ARHGEF33: variants seen among roughly 807,000 people sequenced by gnomAD.
ARHGEF33 encodes Rho guanine nucleotide exchange factor 33.
In ARHGEF33, 72 loss-of-function variants were observed where a neutral mutation model predicts 101.9. The ratio of observed to expected loss-of-function variants is 0.71; its 90% CI spans 0.58 to 0.86. ARHGEF33 has a LOEUF of 0.86. Among genes scored for constraint, ARHGEF33 ranks in the 40% least tolerant of loss-of-function variants. The pLI is 0.00. For missense variants in ARHGEF33, 1,169 were observed against 1,111.3 expected, an observed-to-expected ratio of 1.05 and a Z score of -0.74; for synonymous variants, 499 against 442.5, an observed-to-expected ratio of 1.13 and a Z score of -1.60.
chr2:38,917,529 C>T (rs992192709), intron 2 of ARHGEF33, among the ~76,000 whole-genome samples: 2 of 152,118 alleles, frequency 1.3e-5, no homozygotes, highest in Non-Finnish European at 2.9e-5. Context: ...ACATTTCTAT[C>T]CAAAAAAGTT....
At chr2:38,961,997 C>T (rs184971629) in intron 16 of ARHGEF33, among the ~76,000 whole-genome samples, 1 of 152,106 alleles carries the variant, frequency 6.6e-6, no homozygotes, top group African/African-American at 2.4e-5. Flanking sequence ...CATGAAGAGC[C>T]TTGGAGCTTG....
At chr2:38,918,872 C>T (rs1383309649) in intron 2 of ARHGEF33, among the ~76,000 whole-genome samples, 2 of 133,930 alleles carry the variant, frequency 1.5e-5, no homozygotes, top group Non-Finnish European at 1.5e-5. Context: ...GAGACCCCAT[C>T]TCTACAAAAA....
intron 2 of ARHGEF33, among the ~76,000 whole-genome samples, chr2:38,900,104 G>T (rs541728104): frequency 3.4e-4 from 52 of 152,192 alleles, no homozygotes; most frequent in African/African-American, 1.1e-3. Context: ...AGGTAGGAAG[G>T]TTGCTTGAGC....
chr2:38,947,554 A>G (rs2124407556), intron 10 of ARHGEF33, among the ~76,000 whole-genome samples: 1 of 152,266 alleles, frequency 6.6e-6, no homozygotes, highest in Admixed American at 6.5e-5. Flanking sequence ...GTGCTCTTAT[A>G]CATCATACCA....
At chr2:38,972,619 C>T (rs577492812) in intron 17 of ARHGEF33, among the ~76,000 whole-genome samples, 33 of 152,272 alleles carry the variant, frequency 2.2e-4, no homozygotes, top group Non-Finnish European at 4.0e-4. Flanking sequence ...GATCCAACTT[C>T]TTTCTTTGAA....
intron 7 of ARHGEF33, among the ~76,000 whole-genome samples, chr2:38,932,849 T>C (rs1275427192): frequency 6.6e-6 from 1 of 152,236 alleles, no homozygotes; most frequent in African/African-American, 2.4e-5. Flanking sequence ...TTAGTGGCAA[T>C]TCCTCCTTCC....
chr2:38,938,027 G>A (rs1194410485), intron 9 of ARHGEF33, among the ~76,000 whole-genome samples: 1 of 152,052 alleles, frequency 6.6e-6, no homozygotes, highest in Non-Finnish European at 1.5e-5. Flanking sequence ...GGCTATTTGG[G>A]GGGAGGTAAT....
chr2:38,950,219 A>C (rs1305547265), intron 10 of ARHGEF33, among the ~76,000 whole-genome samples: 1 of 152,186 alleles, frequency 6.6e-6, no homozygotes, highest in Non-Finnish European at 1.5e-5. Flanking sequence ...AACTTTAAAC[A>C]AATTTTCCTA....
At chr2:38,924,673 A>G (rs1213924304) in intron 4 of ARHGEF33, among the ~76,000 whole-genome samples, 1 of 152,222 alleles carries the variant, frequency 6.6e-6, no homozygotes, top group African/African-American at 2.4e-5. Context: ...AGGACATTAC[A>G]TATCATATGT....
At chr2:38,961,401 A>C (rs1667936205) in intron 16 of ARHGEF33, among the ~76,000 whole-genome samples, 2 of 152,064 alleles carry the variant, frequency 1.3e-5, no homozygotes, top group African/African-American at 4.8e-5. Flanking sequence ...TTGGTGTCTA[A>C]TTGTGGTGTC....
chr2:38,944,833 T>A (rs1396104486), intron 10 of ARHGEF33, among the ~76,000 whole-genome samples: 1 of 151,858 alleles, frequency 6.6e-6, no homozygotes, highest in Non-Finnish European at 1.5e-5. Flanking sequence ...GACCTGGGCC[T>A]TATTATTCAT....
At chr2:38,948,104 A>T (rs1667497153) in intron 10 of ARHGEF33, among the ~76,000 whole-genome samples, 1 of 152,168 alleles carries the variant, frequency 6.6e-6, no homozygotes, top group Non-Finnish European at 1.5e-5. Flanking sequence ...GGAAAAAAAA[A>T]AAGCTGAGCT....
At chr2:38,958,312 T>C (rs1667825982) in intron 15 of ARHGEF33, 114 bp downstream of exon 15, 1 of 1,331,002 alleles carries the variant, frequency 7.5e-7, no homozygotes, top group Non-Finnish European at 1.0e-6. Flanking sequence ...ATCAGGCCTA[T>C]ATGTGCCAAC....
chr2:38,945,717 G>A (rs957445283), intron 10 of ARHGEF33, among the ~76,000 whole-genome samples: 2 of 152,240 alleles, frequency 1.3e-5, no homozygotes, highest in Admixed American at 1.3e-4. Flanking sequence ...TCTCTTCTTA[G>A]TCTGAAAATC....
At chr2:38,933,670 C>T (rs1025057595) in intron 7 of ARHGEF33, among the ~76,000 whole-genome samples, 1 of 152,186 alleles carries the variant, frequency 6.6e-6, no homozygotes, top group Non-Finnish European at 1.5e-5. Flanking sequence ...GCACCACGAC[C>T]GACCCATAGT....
intron 17 of ARHGEF33, among the ~76,000 whole-genome samples, chr2:38,967,859 C>T (rs1449675107): frequency 1.4e-5 from 2 of 148,096 alleles, no homozygotes; most frequent in South Asian, 2.2e-4. Context: ...GGATTACAGG[C>T]GTGAGCCACC....
intron 10 of ARHGEF33, among the ~76,000 whole-genome samples, chr2:38,945,824 C>G (rs940257468): frequency 6.6e-6 from 1 of 152,162 alleles, no homozygotes. Flanking sequence ...CGTAACTTCA[C>G]GAAATATTTA....
At chr2:38,937,151 C>T (rs865869670) in intron 8 of ARHGEF33, 184 bp from the exon 9 acceptor site, 303 of 526,788 alleles carry the variant, frequency 5.8e-4, no homozygotes, top group African/African-American at 5.0e-3. Context: ...CCCGCCACCA[C>T]GCCCAGCTAA....
At chr2:38,906,491 T>C (rs1375501696) in intron 2 of ARHGEF33, among the ~76,000 whole-genome samples, 4 of 152,166 alleles carry the variant, frequency 2.6e-5, no homozygotes, top group Non-Finnish European at 1.5e-5. Flanking sequence ...GGTAAAAATG[T>C]ACTAATTTGT....
Sources: allele counts gnomAD v4.1 joint callset (sites outside exome capture counted in the v4.1 genomes callset), GRCh38; gene constraint gnomAD v4.1.1; transcripts MANE v1.5; gene names NCBI Gene and HGNC (gene_info 2026-07-23, HGNC 2026-07-21).